Variants in ADAM12 observed in about 807,000 individuals in gnomAD.
ADAM12 encodes ADAM metallopeptidase domain 12, also known as disintegrin and metalloproteinase domain-containing protein 12.
In ADAM12, 70 loss-of-function variants were observed where a neutral mutation model predicts 106.4. The observed-to-expected ratio is 0.66, with a 90% confidence interval of 0.54 to 0.80. The LOEUF is 0.80. ADAM12 is among the 30% of genes least tolerant of loss of function. ADAM12 has a pLI of 0.00. For synonymous variants in ADAM12, 420 were observed against 433.5 expected (o/e 0.97, Z 0.39); for missense variants, 1,010 against 1,171.9 (o/e 0.86, Z 2.02).
At chr10:126,126,440 T>C (rs1590456203) in intron 5 of ADAM12, among the ~76,000 whole-genome samples, 1 of 152,200 alleles carries the variant, frequency 6.6e-6, no homozygotes, top group Middle Eastern at 3.4e-3. Context: ...ATAGTTTCCT[T>C]ATTTTCGTTG....
In ADAM12 at chr10:126,019,947, G is replaced by A. The variant is rs878917100; in HGVS notation, c.2530-122C>T. ...GAATATCATCCTGTCACCATACAAG[G>A]TGGGTGGAGGCTGACCTCTGTTAAT... On this transcript the variant is annotated intron_variant, in intron 21 of 22. Transcript: ENST00000448723. 25 of 1,210,386 alleles carry A rather than the reference G, an allele frequency of 2.1e-5. No homozygotes were observed. In the South Asian group the frequency reaches 4.1e-4, roughly 20 times the overall value. 75.0% of individuals were successfully genotyped at this position (1,210,386 alleles called of 1,614,324 possible).
At chr10:126,019,563 G>A (rs751766711) in intron 22 of ADAM12, 132 bp downstream of exon 22, 146 of 1,175,706 alleles carry the variant, frequency 1.2e-4, no homozygotes, top group Middle Eastern at 2.0e-4. Flanking sequence ...TCTATTTTAC[G>A]GTATTCCCAG....
intron 2 of ADAM12, among the ~76,000 whole-genome samples, chr10:126,303,023 T>C (rs755788801): frequency 9.9e-5 from 15 of 152,166 alleles, no homozygotes; most frequent in Non-Finnish European, 1.8e-4. Flanking sequence ...AGTAGGGAGC[T>C]GGGTGCCTGG....
chr10:126,075,297 C>A (rs1017510531), intron 11 of ADAM12, among the ~76,000 whole-genome samples: 1 of 152,122 alleles, frequency 6.6e-6, no homozygotes, highest in African/African-American at 2.4e-5. Context: ...TATTTATGAA[C>A]CCTATTTGGG....
chr10:126,295,262 A>G (rs1280066036), intron 2 of ADAM12, among the ~76,000 whole-genome samples: 1 of 152,060 alleles, frequency 6.6e-6, no homozygotes, highest in Non-Finnish European at 1.5e-5. Context: ...AGCCTCTCTG[A>G]GCCCAGTGTC....
chr10:126,108,501 C>T, intron 8 of ADAM12, 92 bp downstream of exon 8: 1 of 1,174,056 alleles, frequency 8.5e-7, no homozygotes, highest in Non-Finnish European at 1.3e-6. Context: ...GAGGCAGAAC[C>T]TCATCTCCTT....
chr10:126,225,598 G>A (rs996878531), intron 3 of ADAM12, among the ~76,000 whole-genome samples: 14 of 152,192 alleles, frequency 9.2e-5, no homozygotes, highest in Admixed American at 2.0e-4. Context: ...AGTGGAAAGT[G>A]AGCATGTGTT....
intron 2 of ADAM12, among the ~76,000 whole-genome samples, chr10:126,308,238 C>CT (rs5788779): frequency 0.2 from 29,976 of 152,158 alleles, 3,060 homozygotes; most frequent in Non-Finnish European, 0.22. Flanking sequence ...TCAGTTTTAT[C>CT]TTTGCAAACT....
At chr10:126,205,178 A>C (rs1298529171) in intron 3 of ADAM12, among the ~76,000 whole-genome samples, 1 of 152,210 alleles carries the variant, frequency 6.6e-6, no homozygotes, top group Non-Finnish European at 1.5e-5. Flanking sequence ...AGCCAAAGCC[A>C]TGATGACACT....
intron 3 of ADAM12, among the ~76,000 whole-genome samples, chr10:126,215,290 A>G (rs147685687): frequency 6.6e-6 from 1 of 152,176 alleles, no homozygotes; most frequent in African/African-American, 2.4e-5. Context: ...TGGTGGGGGA[A>G]GGAGGTACAT....
chr10:126,328,720 TC>T (rs1323885345), intron 2 of ADAM12, among the ~76,000 whole-genome samples: 1 of 152,142 alleles, frequency 6.6e-6, no homozygotes, highest in Non-Finnish European at 1.5e-5. Flanking sequence ...CTACATAACG[TC>T]ACTAACCTGG....
At chr10:126,245,166 G>A (rs2133664442) in intron 3 of ADAM12, among the ~76,000 whole-genome samples, 1 of 152,352 alleles carries the variant, frequency 6.6e-6, no homozygotes, top group South Asian at 2.1e-4. Context: ...CATCACATTG[G>A]CATGCTCCAG....
intron 2 of ADAM12, among the ~76,000 whole-genome samples, chr10:126,321,764 T>C (rs889876178): frequency 6.6e-5 from 10 of 152,148 alleles, no homozygotes; most frequent in Non-Finnish European, 1.5e-5. Flanking sequence ...TATGAAGCAG[T>C]CCTGATATGA....
intron 19 of ADAM12, 149 bp from the exon 20 acceptor site, chr10:126,038,498 C>G (rs1954098604): frequency 5.4e-6 from 3 of 555,984 alleles, no homozygotes; most frequent in Admixed American, 3.7e-5. Context: ...TAATAACACT[C>G]TTAGGAGATT....
intron 5 of ADAM12, among the ~76,000 whole-genome samples, chr10:126,120,911 T>C (rs12257834): frequency 0.06 from 4,829 of 80,998 alleles, 195 homozygotes; most frequent in East Asian, 0.19. Context: ...TTATATAATA[T>C]ATATGCAATA....
Position 126,279,744 on chromosome 10 carries a change from A to C in ADAM12, c.187-756T>G, listed in dbSNP as rs549888006. Among the ~76,000 whole-genome samples, 3 of 151,790 alleles carry C rather than the reference A, an allele frequency of 2.0e-5. No homozygotes were observed. The East Asian group carries it at 5.8e-4, about 30-fold the overall frequency. ...CTTCGTCTCAAAAAAACAAAAAAAGAAGAAGAAGACAAGAGTGGAGGGAGA... is the reference window on the plus strand; with the variant it reads ...CTTCGTCTCAAAAAAACAAAAAAAGCAGAAGAAGACAAGAGTGGAGGGAGA... On this transcript the variant is annotated intron_variant, in intron 2 of 22. Transcript: ENST00000448723.
chr10:126,264,993 G>T (rs534884882), intron 3 of ADAM12, among the ~76,000 whole-genome samples: 2 of 152,282 alleles, frequency 1.3e-5, no homozygotes, highest in Non-Finnish European at 2.9e-5. Context: ...AAAGATTTGT[G>T]TAATATCTAT....
intron 2 of ADAM12, among the ~76,000 whole-genome samples, chr10:126,283,588 C>T (rs1190717397): frequency 6.6e-6 from 1 of 152,138 alleles, no homozygotes; most frequent in Non-Finnish European, 1.5e-5. Context: ...GTTTATGGAA[C>T]ATTTGATTTT....
intron 2 of ADAM12, among the ~76,000 whole-genome samples, chr10:126,301,844 C>A (rs535319366): frequency 6.6e-6 from 1 of 152,172 alleles, no homozygotes; most frequent in Non-Finnish European, 1.5e-5. Context: ...TTACATCCTC[C>A]CTAACTTCCA....
Sources: allele counts gnomAD v4.1 joint callset (sites outside exome capture counted in the v4.1 genomes callset), GRCh38; gene constraint gnomAD v4.1.1; transcripts MANE v1.5; gene names NCBI Gene and HGNC (gene_info 2026-07-23, HGNC 2026-07-21).